The following AGAP1 variants were observed in gnomAD, a reference collection of about 807,000 sequenced individuals.
The protein encoded by AGAP1 is ArfGAP with GTPase domain, ankyrin repeat and PH domain 1.
A neutral mutation model predicts 105.3 loss-of-function variants in AGAP1; 29 were observed. The ratio of observed to expected loss-of-function variants is 0.28; its 90% CI spans 0.21 to 0.38. The LOEUF (loss-of-function observed/expected upper bound fraction) is 0.38, where lower values mean the gene tolerates loss of function less well. AGAP1 is among the 10% of genes least tolerant of loss of function. The pLI is 1.00. For synonymous variants in AGAP1, 509 were observed against 485.9 expected (o/e 1.05, Z -0.63); for missense variants, 998 against 1,165.1 (o/e 0.86, Z 2.09).
At chr2:235,999,166 GA>G (rs2055962002) in intron 13 of AGAP1, among the ~76,000 whole-genome samples, 2 of 150,634 alleles carry the variant, frequency 1.3e-5, no homozygotes, top group African/African-American at 4.9e-5. Context: ...TGGTGGTGAT[GA>G]TGATGATAAT....
In AGAP1 at chr2:236,032,019, C is replaced by G. The variant is rs138627283; in HGVS notation, c.1646-4542C>G. Among the ~76,000 whole-genome samples, 108 of 152,300 alleles carry G rather than the reference C, an allele frequency of 7.1e-4. 1 individual carries two copies. The highest frequency in any genetic ancestry group is 2.6e-3 in the African/African-American group (106 of 41,566). On this transcript the variant is annotated intron_variant, in intron 13 of 17. Transcript: ENST00000304032. ...TGGGAAGCAAAATCTTCTCCCAAAC[C>G]TCACCTGCTGTTGGGGTCCAAGAGA... is the stretch of plus-strand genomic sequence containing the variant.
rs1449236591 is a variant in AGAP1 at position 235,639,444 on chromosome 2, G to C, written c.164-69735G>C. On this transcript the variant is annotated intron_variant, in intron 1 of 17. Transcript: ENST00000304032. This position sits in a 1 kb window ranked among gnomAD's most constrained non-coding sequence, Gnocchi z 5.3. ...TTCCAGGGTGGGCAGAGGAAGAGGA[G>C]GCTGGGAAGGGAATTTGTTTCTCTG... Among the ~76,000 whole-genome samples the C allele has an allele frequency of 7.2e-5, 11 of 152,188 alleles. No homozygotes were observed. The highest frequency in any genetic ancestry group is 1.5e-5 in the Non-Finnish European group (1 of 68,036).
rs1363279216 is a variant in AGAP1 at position 235,733,369 on chromosome 2, G to C, written c.311-7594G>C. Reference sequence around the variant, plus strand: ...CTGCGCACTTTGGGGTGAAGTGATGGGGTGTTGTTGGCTCAGGTTGTAGGA... The same window carrying C: ...CTGCGCACTTTGGGGTGAAGTGATGCGGTGTTGTTGGCTCAGGTTGTAGGA... On this transcript the variant is annotated intron_variant, in intron 3 of 17. Coordinates refer to ENST00000304032, the MANE Select transcript of AGAP1 (RefSeq NM_001037131.3). The surrounding 1 kb of genome is among the most constrained non-coding windows in gnomAD (Gnocchi z 5.0). Among the ~76,000 whole-genome samples the C allele has an allele frequency of 1.3e-5, 2 of 152,202 alleles. No individual in the cohort carries two copies. The highest frequency in any genetic ancestry group is 2.9e-5 in the Non-Finnish European group (2 of 68,030).
chr2:236,038,510 C>A lies in AGAP1; in HGVS notation c.1800+1795C>A, dbSNP rs1201808274. On this transcript the variant is annotated intron_variant, in intron 14 of 17. Transcript: ENST00000304032. The surrounding 1 kb of genome is among the most constrained non-coding windows in gnomAD (Gnocchi z 4.5). ...AATGCTGCCCTCGGCCCTCACTAGG[C>A]GCCTGTTCTCCAGGGAATTGCTCCC... Among the ~76,000 whole-genome samples the A allele has an allele frequency of 6.6e-6, 1 of 152,156 alleles. No individual in the cohort carries two copies. The highest frequency in any genetic ancestry group is 2.4e-5 in the African/African-American group (1 of 41,414).
chr2:235,702,756 A>G (rs975574262), intron 1 of AGAP1, among the ~76,000 whole-genome samples: 9 of 152,020 alleles, frequency 5.9e-5, no homozygotes, highest in Non-Finnish European at 1.3e-4. Context: ...TACAAGTAGC[A>G]CATGTGCCTG....
chr2:235,587,123 C>A (rs1318212461), intron 1 of AGAP1, among the ~76,000 whole-genome samples: 1 of 152,058 alleles, frequency 6.6e-6, no homozygotes, highest in African/African-American at 2.4e-5. Flanking sequence ...AAGGTATTAC[C>A]CAAACAGAAA....
intron 1 of AGAP1, among the ~76,000 whole-genome samples, chr2:235,583,573 T>G (rs972972700): frequency 6.7e-6 from 1 of 149,782 alleles, no homozygotes; most frequent in Non-Finnish European, 1.5e-5. Context: ...TTTTTTTTTT[T>G]TGGTAAAGAT....
chr2:235,685,290 C>CA (rs977495805), intron 1 of AGAP1, among the ~76,000 whole-genome samples: 8 of 151,916 alleles, frequency 5.3e-5, no homozygotes, highest in Admixed American at 3.3e-4. Flanking sequence ...TGGGTTCATG[C>CA]AGCAGACTCT....
At chr2:235,758,721 C>T (rs992989729) in intron 6 of AGAP1, among the ~76,000 whole-genome samples, 2 of 152,084 alleles carry the variant, frequency 1.3e-5, no homozygotes, top group African/African-American at 2.4e-5. Context: ...TATGCGGTAC[C>T]AATACAAATG....
In AGAP1 at chr2:235,877,439, G is replaced by A. The variant is rs2049799114; in HGVS notation, c.1051-5906G>A. Among the ~76,000 whole-genome samples the A allele has an allele frequency of 6.6e-6, 1 of 152,158 alleles. No individual in the cohort carries two copies. Among genetic ancestry groups the A allele is most frequent in the African/African-American group, 2.4e-5 (1 of 41,430 alleles). ...GCTCCTTTGGTGTCAGCTGCCTCGT[G>A]ACCGTATCACGTGGTGACCCCAGTC... On this transcript the variant is annotated intron_variant, in intron 9 of 17. Transcript: ENST00000304032. The surrounding 1 kb of genome is among the most constrained non-coding windows in gnomAD (Gnocchi z 4.3).
At position 236,126,882 on chromosome 2, in the gene AGAP1, A is replaced by T. The variant is rs2060012336; in HGVS notation, c.*2760A>T. 1 of 152,190 alleles carries T rather than the reference A, an allele frequency of 6.6e-6. No homozygotes were observed. Among genetic ancestry groups the T allele is most frequent in the Non-Finnish European group, 1.5e-5 (1 of 68,046 alleles). The allele number at this position is 152,190 out of a possible 1,614,324, so 9.4% of individuals were successfully genotyped here. ...GCACTCTCGTTCCCACTTTCAAGCT[A>T]ATTACCACCAAGGCTGGGAGAGGCA... is the stretch of plus-strand genomic sequence containing the variant. On this transcript the variant is annotated 3_prime_UTR_variant, in exon 18 of 18. Transcript: ENST00000304032.
intron 13 of AGAP1, among the ~76,000 whole-genome samples, chr2:235,998,317 GA>G (rs2125493529): frequency 1.3e-5 from 2 of 152,318 alleles, no homozygotes; most frequent in African/African-American, 4.8e-5. Context: ...ACCTAGTGGA[GA>G]AATCTAGGAG....
intron 1 of AGAP1, among the ~76,000 whole-genome samples, chr2:235,702,469 C>G (rs1055864639): frequency 1.3e-5 from 2 of 152,212 alleles, no homozygotes; most frequent in Non-Finnish European, 2.9e-5. Flanking sequence ...TTCCTCATCT[C>G]AGGTCCAGAA....
rs953271760 is a variant in AGAP1, at chr2:236,003,461, G to A, written c.1646-33100G>A. ...ATTTTACCCACCTCTGTGTGTGGTC[G>A]CACGTCCTCCTCATGGCCACGCTGG... On this transcript the variant is annotated intron_variant, in intron 13 of 17. Transcript: ENST00000304032. The surrounding 1 kb of genome is among the most constrained non-coding windows in gnomAD (Gnocchi z 4.2). Among the ~76,000 whole-genome samples, 12 of 152,152 alleles carry A rather than the reference G, an allele frequency of 7.9e-5. No individual in the cohort carries two copies. Among genetic ancestry groups the A allele is most frequent in the African/African-American group, 2.4e-4 (10 of 41,440 alleles).
chr2:235,657,661 C>T (rs1165184899), intron 1 of AGAP1, among the ~76,000 whole-genome samples: 3 of 152,188 alleles, frequency 2.0e-5, no homozygotes, highest in African/African-American at 7.2e-5. Flanking sequence ...GGATTACAGG[C>T]GTGAGCCACC....
chr2:235,848,955 G>A (rs76952375), intron 9 of AGAP1, among the ~76,000 whole-genome samples: 3,147 of 152,238 alleles, frequency 0.021, 104 homozygotes, highest in African/African-American at 0.072. Context: ...CTGTCCGTCC[G>A]TGTGCTTTGG....
At chr2:235,903,901 C>T (rs1446670589) in intron 10 of AGAP1, among the ~76,000 whole-genome samples, 3 of 152,134 alleles carry the variant, frequency 2.0e-5, no homozygotes, top group African/African-American at 7.2e-5. Flanking sequence ...AATTAATTCT[C>T]TGTATCAGGA....
Position 235,546,884 on chromosome 2 carries a change from TAAA to T in AGAP1, c.163+52037_163+52039del, listed in dbSNP as rs748736421. ...TGCTGCTGTGCATCTTGAAGCATGT[TAAA>T]AGAAGGTTAAGGAAAACCAGTTTGT... On this transcript the variant is annotated intron_variant, in intron 1 of 17. Coordinates refer to ENST00000304032, the MANE Select transcript of AGAP1 (RefSeq NM_001037131.3). Among the ~76,000 whole-genome samples, 66 of 152,312 alleles carry T rather than the reference TAAA, an allele frequency of 4.3e-4. No individual in the cohort carries two copies. The Middle Eastern group carries it at 0.017, about 39-fold the overall frequency.
In AGAP1 at chr2:236,001,317, T is replaced by C. The variant is rs2056110972; in HGVS notation, c.1645+32694T>C. 6.6e-6 allele frequency among the ~76,000 whole-genome samples: 1 copy of C among 152,212 alleles called. No homozygotes were observed. Among genetic ancestry groups the C allele is most frequent in the Non-Finnish European group, 1.5e-5 (1 of 68,038 alleles). On this transcript the variant is annotated intron_variant, in intron 13 of 17. Coordinates refer to ENST00000304032, the MANE Select transcript of AGAP1 (RefSeq NM_001037131.3). The surrounding 1 kb of genome is among the most constrained non-coding windows in gnomAD (Gnocchi z 4.7). ...GAGGAGGAAACGCATTTTTGTGGTT[T>C]CACGCCACCCAGCGTGCGGTGCATT...
Sources: allele counts gnomAD v4.1 joint callset (sites outside exome capture counted in the v4.1 genomes callset), GRCh38; gene constraint gnomAD v4.1.1; non-coding constraint Gnocchi (gnomAD v3.1); transcripts MANE v1.5; gene names NCBI Gene and HGNC (gene_info 2026-07-23, HGNC 2026-07-21).